Variants in MYH13 observed in about 807,000 individuals in gnomAD.
MYH13 encodes the protein myosin-13.
MYH13 carries 177 observed loss-of-function variants against 232.1 expected under a neutral mutation model. That is an observed-to-expected ratio of 0.76 (90% CI 0.67 to 0.86). The LOEUF is 0.86. MYH13 is among the 40% of genes least tolerant of loss of function. The pLI is 0.00. For missense variants in MYH13, 2,246 were observed against 2,405.9 expected (o/e 0.93, Z 1.39); for synonymous variants, 884 against 923.5 (o/e 0.96, Z 0.78).
intron 23 of MYH13, among the ~76,000 whole-genome samples, chr17:10,322,744 C>T (rs1270528188): frequency 7.9e-5 from 12 of 151,464 alleles, no homozygotes; most frequent in Admixed American, 1.3e-4. Context: ...CGCCATTCTC[C>T]GGCCTCAGCC....
Position 10,321,598 on chromosome 17 carries a change from C to T in MYH13, c.3045G>A (p.Gln1015=), listed in dbSNP as rs768812356. The change falls in exon 24 of 41, where the codon CAG becomes CAA. Residue 1015 remains glutamine, a synonymous_variant. Transcript: ENST00000252172. ...EAHQQTLDDL[Q]VEEDKVNGLI... ...GACCATTGACTTTATCTTCTTCCACCTGAAGATCATCCAGTGTTTGCTGAT... is the reference window on the plus strand; with the variant it reads ...GACCATTGACTTTATCTTCTTCCACTTGAAGATCATCCAGTGTTTGCTGAT... 1.2e-6 allele frequency: 2 copies of T among 1,613,720 alleles called. No individual in the cohort carries two copies. The highest frequency in any genetic ancestry group is 1.3e-5 in the African/African-American group (1 of 75,050).
chr17:10,309,314 C>T lies in MYH13; in HGVS notation c.5089G>A (p.Glu1697Lys). ...AGCCTGCGGGTCCGCTCCGTCTGTT[C>T]CAGGGCCACCTTCATTTCCTCCAGC... ...EELEEMKVAL[E>K]QTERTRRLSE... The change falls in exon 35 of 41, where the codon GAA becomes AAA. Residue 1697 changes from glutamate to lysine, a missense_variant. Transcript: ENST00000252172. 6.2e-7 allele frequency: 1 copy of T among 1,613,984 alleles called. No homozygotes were observed. The highest frequency in any genetic ancestry group is 8.5e-7 in the Non-Finnish European group (1 of 1,179,868).
chr17:10,322,236 C>CAA (rs10715626), intron 23 of MYH13, among the ~76,000 whole-genome samples: 2 of 149,438 alleles, frequency 1.3e-5, no homozygotes, highest in South Asian at 2.1e-4. Context: ...ACTAAAAATA[C>CAA]AAAAAAAAAA....
At position 10,343,988 on chromosome 17, in the gene MYH13, T is replaced by C. The variant is rs764591713; in HGVS notation, c.1706A>G (p.Lys569Arg). ...AGCCTCAGCCTTGCCTTTGGCAGGC[T>C]TGGGCTTCTGGAAGTTGTTGGATTT... The part of the protein sequence containing the change: ...LGKSNNFQKP[K>R]PAKGKAEAHF... The change falls in exon 16 of 41, where the codon AAG becomes AGG. Residue 569 changes from lysine (K) to arginine (R), a missense_variant. By Grantham distance (26) the Lys-to-Arg change is conservative. Transcript: ENST00000252172. The C allele has an allele frequency of 2.5e-6, 4 of 1,614,114 alleles. No individual in the cohort carries two copies. The highest frequency in any genetic ancestry group is 3.4e-6 in the Non-Finnish European group (4 of 1,180,044).
intron 11 of MYH13, among the ~76,000 whole-genome samples, chr17:10,351,175 T>TG (rs2071707679): frequency 7.4e-6 from 1 of 135,426 alleles, no homozygotes; most frequent in Non-Finnish European, 1.5e-5. Context: ...GAGCCAAGAT[T>TG]GTACCATTGC....
intron 18 of MYH13, among the ~76,000 whole-genome samples, chr17:10,335,611 G>C (rs2071567362): frequency 1.3e-5 from 2 of 152,084 alleles, no homozygotes; most frequent in South Asian, 4.1e-4. Flanking sequence ...AAACGTAGCT[G>C]GGTGTGGTGG....
chr17:10,363,457 A>G (rs1054934015), intron 3 of MYH13, among the ~76,000 whole-genome samples: 4 of 152,182 alleles, frequency 2.6e-5, no homozygotes, highest in Admixed American at 2.6e-4. Context: ...TTTTGCTGGT[A>G]TAGACCAAAT....
At chr17:10,326,062 A>G (rs543858897) in intron 22 of MYH13, among the ~76,000 whole-genome samples, 2 of 152,356 alleles carry the variant, frequency 1.3e-5, no homozygotes, top group South Asian at 4.1e-4. Flanking sequence ...CTGAACATCT[A>G]TAAACATGAG....
At position 10,320,521 on chromosome 17, in the gene MYH13, T is replaced by A. The variant is rs746499997; in HGVS notation, c.3112-25A>T. 3 of 1,604,316 alleles carry A rather than the reference T, an allele frequency of 1.9e-6. No individual in the cohort carries two copies. In the Admixed American group the frequency reaches 5.1e-5, roughly 27 times the overall value. On this transcript the variant is annotated intron_variant, in intron 24 of 40. Coordinates refer to ENST00000252172, the MANE Select transcript of MYH13 (RefSeq NM_003802.3). ...GCTGAGAAGACACACAGGTAGAAAA[T>A]TAAGCCCCTGCTGGGGAAGTGTTTG...
rs367900790 is a variant in MYH13, at chr17:10,340,105, C to T, written c.2056+45G>A. 135 of 1,525,996 alleles carry T rather than the reference C, an allele frequency of 8.8e-5. No individual in the cohort carries two copies. The African/African-American group carries it at 1.5e-3, about 17-fold the overall frequency. The allele number at this position is 1,525,996 out of a possible 1,614,324, so 94.5% of individuals were successfully genotyped here. ...ACAGAATTTTGCATTTATCTCAGGGCGTCCTGTTCTGTTCAAATACTTGGC... is the reference window on the plus strand; with the variant it reads ...ACAGAATTTTGCATTTATCTCAGGGTGTCCTGTTCTGTTCAAATACTTGGC... On this transcript the variant is annotated intron_variant, in intron 18 of 40. Transcript: ENST00000252172.
chr17:10,335,810 A>ATGATTAACAATTTAATCATGTTAAAAT, intron 18 of MYH13, among the ~76,000 whole-genome samples: 1 of 152,202 alleles, frequency 6.6e-6, no homozygotes, highest in Non-Finnish European at 1.5e-5. Context: ...TGGTGAAAGC[A>ATGATTAACAATTTAATCATGTTAAAAT]GGCATGATTA....
Position 10,313,354 on chromosome 17 carries a change from C to T in MYH13, c.3985G>A (p.Ala1329Thr), listed in dbSNP as rs1293054234. The change falls in exon 30 of 41, where the codon GCC becomes ACC. Residue 1329 changes from alanine to threonine, a missense_variant and splice_region_variant. Ala to Thr is a moderately conservative substitution (Grantham distance 58). Transcript: ENST00000252172. The part of the protein sequence containing the change: ...LKRQMEEETK[A>T]KNAMAHALQS... ...AGGGCGTGCGCCATGGCGTTCTTGG[C>T]CTGGGAATGACAGCGGTGACAAATT... 5 of 1,614,118 alleles carry T rather than the reference C, an allele frequency of 3.1e-6. No individual in the cohort carries two copies. The South Asian group carries it at 4.4e-5, about 14-fold the overall frequency.
chr17:10,332,038 G>C lies in MYH13; in HGVS notation c.2298+61C>G, dbSNP rs1269833143. 4 of 1,593,504 alleles carry C rather than the reference G, an allele frequency of 2.5e-6. No homozygotes were observed. In the African/African-American group the frequency reaches 5.4e-5, roughly 21 times the overall value. ...GAGAAGGGGACCCTTTTTCTGATCA[G>C]CTAAGAAGCAGCCCAGGGCTGTGGG... On this transcript the variant is annotated intron_variant, in intron 20 of 40. Transcript: ENST00000252172.
chr17:10,336,789 T>G (rs777665413), intron 18 of MYH13, among the ~76,000 whole-genome samples: 26 of 152,190 alleles, frequency 1.7e-4, no homozygotes, highest in Non-Finnish European at 3.2e-4. Flanking sequence ...CTACCTCGCC[T>G]GCTCCATCCC....
In MYH13 at chr17:10,318,971, G is replaced by T. The variant is rs745708457; in HGVS notation, c.3557C>A (p.Thr1186Asn). The change falls in exon 27 of 41, where the codon ACC becomes AAC. Residue 1186 changes from threonine (T) to asparagine (N), a missense_variant. Thr to Asn is a moderately conservative substitution (Grantham distance 65). Coordinates refer to ENST00000252172, the MANE Select transcript of MYH13 (RefSeq NM_003802.3). ...GGCTGCTGTGGCTTCGTGCTGCAGGGTGGCCTCCTCCAGGTCCCTGCGCAT... is the reference window on the plus strand; with the variant it reads ...GGCTGCTGTGGCTTCGTGCTGCAGGTTGGCCTCCTCCAGGTCCCTGCGCAT... ...QKMRRDLEEA[T>N]LQHEATAATL... 3 of 1,614,136 alleles carry T rather than the reference G, an allele frequency of 1.9e-6. No individual in the cohort carries two copies. The highest frequency in any genetic ancestry group is 3.3e-5 in the Admixed American group (2 of 60,018).
At chr17:10,339,244 T>G (rs2071602530) in intron 18 of MYH13, among the ~76,000 whole-genome samples, 1 of 152,234 alleles carries the variant, frequency 6.6e-6, no homozygotes, top group Admixed American at 6.5e-5. Flanking sequence ...TTTGTTTTCC[T>G]TTTTGTGACA....
At chr17:10,332,853 A>C (rs188529275) in intron 19 of MYH13, among the ~76,000 whole-genome samples, 1 of 152,344 alleles carries the variant, frequency 6.6e-6, no homozygotes, top group African/African-American at 2.4e-5. Flanking sequence ...ATCCTGGTCT[A>C]GAGTCACAAT....
intron 2 of MYH13, 31 bp from the exon 3 acceptor site, chr17:10,364,573 G>A (rs1371434059): frequency 6.5e-7 from 1 of 1,537,184 alleles, no homozygotes; most frequent in East Asian, 2.4e-5. Context: ...GCTGAGTCTT[G>A]TGCTTGGGTG....
chr17:10,332,749 G>C (rs912870436), intron 19 of MYH13, among the ~76,000 whole-genome samples: 1 of 152,156 alleles, frequency 6.6e-6, no homozygotes, highest in Non-Finnish European at 1.5e-5. Context: ...CTTGAGTAGA[G>C]GGCAGGGTTA....
Sources: allele counts gnomAD v4.1 joint callset (sites outside exome capture counted in the v4.1 genomes callset), GRCh38; gene constraint gnomAD v4.1.1; transcripts MANE v1.5; gene names NCBI Gene and HGNC (gene_info 2026-07-23, HGNC 2026-07-21).